Variants in PTPRD observed in about 807,000 individuals in gnomAD.
PTPRD encodes the protein protein tyrosine phosphatase receptor type D, also known as receptor-type tyrosine-protein phosphatase delta.
A neutral mutation model predicts 214.5 loss-of-function variants in PTPRD; 34 were observed. That is an observed-to-expected ratio of 0.16 (90% confidence interval 0.12 to 0.21). The LOEUF (loss-of-function observed/expected upper bound fraction) is 0.21. PTPRD is among the 10% of genes least tolerant of loss of function. The pLI, the probability that PTPRD is intolerant of heterozygous loss-of-function variation, is 1.00. For synonymous variants in PTPRD, 1,128 were observed against 845.7 expected, an observed-to-expected ratio of 1.33 and a Z score of -5.79; for missense variants, 2,545 against 2,398.7, an observed-to-expected ratio of 1.06 and a Z score of -1.27.
intron 9 of PTPRD, among the ~76,000 whole-genome samples, chr9:9,190,883 G>A (rs2099934713): frequency 2.0e-5 from 3 of 152,042 alleles, no homozygotes; most frequent in Admixed American, 2.0e-4. Context: ...ATGAGACTTT[G>A]GGGGACTGTT....
intron 39 of PTPRD, among the ~76,000 whole-genome samples, chr9:8,355,157 T>C (rs538385419): frequency 6.6e-6 from 1 of 152,208 alleles, no homozygotes; most frequent in South Asian, 2.1e-4. Flanking sequence ...TGAGTTTACA[T>C]GAGAACTGAT....
At chr9:9,721,176 TTTAA>T (rs1170410584) in intron 7 of PTPRD, among the ~76,000 whole-genome samples, 4 of 45,730 alleles carry the variant, frequency 8.7e-5, no homozygotes, top group Admixed American at 3.3e-4. Context: ...ATAAACATCT[TTTAA>T]AAAGAGTATA....
At chr9:8,690,471 C>G (rs912921701) in intron 12 of PTPRD, among the ~76,000 whole-genome samples, 5 of 150,284 alleles carry the variant, frequency 3.3e-5, no homozygotes, top group African/African-American at 1.2e-4. Flanking sequence ...AGAGCTTGCA[C>G]TGAGCCAAGA....
intron 10 of PTPRD, among the ~76,000 whole-genome samples, chr9:9,153,749 A>G (rs1285874572): frequency 6.6e-6 from 1 of 152,210 alleles, no homozygotes; most frequent in Non-Finnish European, 1.5e-5. Context: ...TACCTTGTAG[A>G]AAAATCAACA....
chr9:9,291,252 G>C (rs1459700719), intron 9 of PTPRD, among the ~76,000 whole-genome samples: 1 of 151,362 alleles, frequency 6.6e-6, no homozygotes, highest in African/African-American at 2.4e-5. Context: ...TACAGTATCA[G>C]CCTTTAGAAG....
chr9:9,463,041 AAATAGG>A (rs2093806385), intron 8 of PTPRD, among the ~76,000 whole-genome samples: 1 of 150,468 alleles, frequency 6.6e-6, no homozygotes, highest in East Asian at 1.9e-4. Flanking sequence ...CCAAGAGACT[AAATAGG>A]AACAAAAGCC....
At chr9:8,991,783 G>A (rs1039577727) in intron 11 of PTPRD, among the ~76,000 whole-genome samples, 1 of 152,066 alleles carries the variant, frequency 6.6e-6, no homozygotes, top group African/African-American at 2.4e-5. Flanking sequence ...ACATTTGCTA[G>A]TTCATAATTA....
intron 10 of PTPRD, among the ~76,000 whole-genome samples, chr9:9,080,222 T>C (rs2099757082): frequency 1.3e-5 from 2 of 152,104 alleles, no homozygotes; most frequent in African/African-American, 4.8e-5. Flanking sequence ...TATCCAAGTT[T>C]ACACATGGTG....
At chr9:10,509,857 T>C (rs1000485496) in intron 2 of PTPRD, among the ~76,000 whole-genome samples, 1 of 151,862 alleles carries the variant, frequency 6.6e-6, no homozygotes, top group Non-Finnish European at 1.5e-5. Context: ...TATACAGGTA[T>C]ATATTTATTC....
intron 9 of PTPRD, among the ~76,000 whole-genome samples, chr9:9,329,990 A>C (rs1460284897): frequency 1.3e-5 from 2 of 152,118 alleles, no homozygotes; most frequent in Non-Finnish European, 2.9e-5. Flanking sequence ...TTTCCCCACC[A>C]GTTCTCACAA....
rs930860383 is a variant in PTPRD at position 9,713,469 on chromosome 9, A to G, written c.-287+21064T>C. ...CTTGATTACAATTAATGGAGAAGAA[A>G]GGAATTATAAATATTTAGAAAAATA... On this transcript the variant is annotated intron_variant, in intron 7 of 45. Transcript: ENST00000381196. 3.3e-5 allele frequency among the ~76,000 whole-genome samples: 5 copies of G among 152,216 alleles called. No individual in the cohort carries two copies. The South Asian group carries it at 6.2e-4, about 19-fold the overall frequency.
chr9:10,208,700 C>T (rs1470402955), intron 3 of PTPRD, among the ~76,000 whole-genome samples: 3 of 152,086 alleles, frequency 2.0e-5, no homozygotes, highest in Admixed American at 1.3e-4. Context: ...TCAATATAAG[C>T]TGTTTGGGAA....
intron 9 of PTPRD, among the ~76,000 whole-genome samples, chr9:9,234,269 T>A (rs1445801764): frequency 6.6e-6 from 1 of 152,218 alleles, no homozygotes; most frequent in Non-Finnish European, 1.5e-5. Flanking sequence ...TGCTATACCT[T>A]GGCCCCTTTT....
At chr9:9,526,383 C>T (rs749639352) in intron 8 of PTPRD, among the ~76,000 whole-genome samples, 5 of 152,090 alleles carry the variant, frequency 3.3e-5, no homozygotes, top group Admixed American at 6.6e-5. Flanking sequence ...CCACATGTTA[C>T]GTATATTAAG....
intron 2 of PTPRD, among the ~76,000 whole-genome samples, chr9:10,433,124 T>C (rs1017914161): frequency 9.2e-5 from 14 of 151,918 alleles, no homozygotes; most frequent in African/African-American, 3.1e-4. Flanking sequence ...TTAGGGAAGA[T>C]GTTACTAGAT....
At position 9,950,680 on chromosome 9, in the gene PTPRD, G is replaced by C. The variant is rs570601157; in HGVS notation, c.-471-12070C>G. On this transcript the variant is annotated intron_variant, in intron 4 of 45. Transcript: ENST00000381196. The stretch of plus-strand genomic sequence containing the variant: ...GCGGAGCCTGCAGTGAGCCGAGATC[G>C]CGCCACTGCACTCCAGCCTGGGCGA... 6.1e-5 allele frequency among the ~76,000 whole-genome samples: 6 copies of C among 98,124 alleles called. 2 individuals carry two copies. Among genetic ancestry groups the C allele is most frequent in the South Asian group, 8.0e-4 (2 of 2,494 alleles). The allele number at this position is 98,124 out of a possible 152,430, so 64.4% of individuals were successfully genotyped here.
chr9:8,996,550 T>A (rs2099397539), intron 11 of PTPRD, among the ~76,000 whole-genome samples: 1 of 151,938 alleles, frequency 6.6e-6, no homozygotes, highest in Non-Finnish European at 1.5e-5. Flanking sequence ...GCAAAATATC[T>A]CAGACTGGGT....
chr9:10,343,500 G>A (rs1325300920), intron 2 of PTPRD, among the ~76,000 whole-genome samples: 2 of 152,088 alleles, frequency 1.3e-5, no homozygotes, highest in African/African-American at 2.4e-5. Context: ...CCCAGTAACG[G>A]GATTGCTGGG....
At chr9:8,834,519 G>A (rs746715199) in intron 11 of PTPRD, among the ~76,000 whole-genome samples, 5 of 151,992 alleles carry the variant, frequency 3.3e-5, no homozygotes, top group South Asian at 2.1e-4. Context: ...GAGGAATTAC[G>A]GCAAAGGTAT....
Sources: gnomAD v4.1 joint callset for allele counts (sites outside exome capture counted in the v4.1 genomes callset) on GRCh38, gnomAD v4.1.1 for gene constraint, MANE v1.5 for transcripts, NCBI Gene and HGNC (gene_info 2026-07-23, HGNC 2026-07-21) for gene names.